The following ATPSCKMT variants were observed in gnomAD, a reference collection of about 807,000 sequenced individuals.
ATPSCKMT encodes the protein ATP synthase c subunit lysine N-methyltransferase.
ATPSCKMT carries 24 observed loss-of-function variants against 24.3 expected under a neutral mutation model. The observed-to-expected ratio is 0.99, with a 90% confidence interval of 0.71 to 1.39. The LOEUF is 1.39. ATPSCKMT is among the 40% of genes most tolerant of loss of function. The pLI is 0.00. For missense variants in ATPSCKMT, 311 were observed against 298.4 expected (o/e 1.04, Z -0.31); for synonymous variants, 95 against 110.5 (o/e 0.86, Z 0.88).
chr5:10,249,703 G>T, intron 1 of ATPSCKMT, 155 bp downstream of exon 1: 1 of 1,222,444 alleles, frequency 8.2e-7, no homozygotes, highest in Non-Finnish European at 1.1e-6. Context: ...CGGCGACCAG[G>T]AGCTCTGGTC....
At chr5:10,249,490 G>T in intron 1 of ATPSCKMT, 1 of 273,838 alleles carries the variant, frequency 3.7e-6, no homozygotes, top group Admixed American at 5.2e-5. Flanking sequence ...GGAACCCGAG[G>T]GACAAAGAAG....
At position 10,235,311 on chromosome 5, in the gene ATPSCKMT, G is replaced by T. The variant is rs576582887; in HGVS notation, c.445-50C>A. The T allele has an allele frequency of 2.6e-6, 4 of 1,515,516 alleles. No individual in the cohort carries two copies. In the East Asian group the frequency reaches 9.4e-5, roughly 35 times the overall value. The allele number at this position is 1,515,516 out of a possible 1,614,324, so 93.9% of individuals were successfully genotyped here. A position where few individuals can be genotyped will look rare whatever the true frequency, so the allele number is the denominator to read the frequency against. ...GTAGATTAAGTGCAAAAAGCCAAACGTGAAGCTTAACTTGTTTTACAGAAA... is the reference window on the plus strand; with the variant it reads ...GTAGATTAAGTGCAAAAAGCCAAACTTGAAGCTTAACTTGTTTTACAGAAA... On this transcript the variant is annotated intron_variant, in intron 3 of 4. Transcript: ENST00000511437.
Position 10,227,150 on chromosome 5 carries a change from C to T in ATPSCKMT, c.*291G>A. The T allele has an allele frequency of 2.5e-6, 1 of 403,836 alleles. No homozygotes were observed. The highest frequency in any genetic ancestry group is 4.6e-6 in the Non-Finnish European group (1 of 217,396). 25.0% of individuals were successfully genotyped at this position (403,836 alleles called of 1,614,324 possible). ...GCCATATTGTTTATAATGTGAAGAG[C>T]TATTGGCATCTTATTTTCCTACCCA... is the stretch of plus-strand genomic sequence containing the variant. On this transcript the variant is annotated 3_prime_UTR_variant, in exon 5 of 5. Coordinates refer to ENST00000511437, the MANE Select transcript of ATPSCKMT (RefSeq NM_199133.4).
intron 2 of ATPSCKMT, among the ~76,000 whole-genome samples, chr5:10,238,220 T>C (rs747582721): frequency 6.6e-5 from 10 of 152,184 alleles, no homozygotes; most frequent in Non-Finnish European, 1.0e-4. Flanking sequence ...CCCCGAACCG[T>C]ACACCTGCAC....
chr5:10,237,693 T>G lies in ATPSCKMT; in HGVS notation c.307-1078A>C, dbSNP rs191595890. Reference sequence around the variant, plus strand: ...CGTAAGTCTAATCACCTCTTTCTTTTGTAAACTGCCCAGTCTCAGGTATGT... The same window carrying G: ...CGTAAGTCTAATCACCTCTTTCTTTGGTAAACTGCCCAGTCTCAGGTATGT... On this transcript the variant is annotated intron_variant, in intron 2 of 4. Transcript: ENST00000511437. 7.2e-5 allele frequency among the ~76,000 whole-genome samples: 11 copies of G among 152,302 alleles called. No individual in the cohort carries two copies. In the East Asian group the frequency reaches 2.1e-3, roughly 29 times the overall value.
rs559270054 is a variant in ATPSCKMT, at chr5:10,239,071, C to T, written c.302G>A (p.Arg101His). Residue 101 changes from arginine to histidine, a missense_variant, in exon 2 of 5, where the codon CGC (arginine) becomes CAC (histidine). Physicochemically the swap from Arg to His is conservative, Grantham distance 29. Coordinates refer to ENST00000511437, the MANE Select transcript of ATPSCKMT (RefSeq NM_199133.4). ...AAATGTTTTAGCAGAACTCACAATG[C>T]GTCCGTCCCCACTACCGATGTCCAC... ...SLVDIGSGDGRIVIAAAKKGF... is the reference protein window; with the variant it reads ...SLVDIGSGDGHIVIAAAKKGF... The T allele has an allele frequency of 3.0e-5, 49 of 1,612,680 alleles. No individual in the cohort carries two copies. The Admixed American group carries it at 3.2e-4, about 10-fold the overall frequency.
intron 4 of ATPSCKMT, among the ~76,000 whole-genome samples, chr5:10,234,033 G>C (rs1744268134): frequency 6.6e-6 from 1 of 152,154 alleles, no homozygotes; most frequent in Non-Finnish European, 1.5e-5. Flanking sequence ...TCACTTTCAA[G>C]AACATTTTAC....
chr5:10,233,077 G>C (rs1380598714), intron 4 of ATPSCKMT, among the ~76,000 whole-genome samples: 1 of 152,178 alleles, frequency 6.6e-6, no homozygotes, highest in Non-Finnish European at 1.5e-5. Flanking sequence ...CATCAGTCTG[G>C]TATCAGAAGC....
At chr5:10,237,461 G>A (rs905323848) in intron 2 of ATPSCKMT, among the ~76,000 whole-genome samples, 3 of 152,186 alleles carry the variant, frequency 2.0e-5, no homozygotes, top group African/African-American at 4.8e-5. Context: ...GGGACCTGGC[G>A]GGAGGTAACT....
intron 4 of ATPSCKMT, among the ~76,000 whole-genome samples, chr5:10,227,911 A>T (rs1220745545): frequency 6.6e-6 from 1 of 152,236 alleles, no homozygotes; most frequent in Non-Finnish European, 1.5e-5. Context: ...TAGTTTTCTA[A>T]ATAAAATCAG....
rs1418035657 is a variant in ATPSCKMT at position 10,226,099 on chromosome 5, T to C, written c.*1342A>G. Among the ~76,000 whole-genome samples, 1 of 152,126 alleles carries C rather than the reference T, an allele frequency of 6.6e-6. No homozygotes were observed. The highest frequency in any genetic ancestry group is 1.5e-5 in the Non-Finnish European group (1 of 68,020). On this transcript the variant is annotated 3_prime_UTR_variant, in exon 5 of 5. Transcript: ENST00000511437. ...CCTCATCTCAGACTCACACAGGTGC[T>C]CTCTACACCATCACACTGTTTACTT... is the stretch of plus-strand genomic sequence containing the variant.
At chr5:10,239,425 T>C in intron 1 of ATPSCKMT, 69 bp from the exon 2 acceptor site, 2 of 1,376,070 alleles carry the variant, frequency 1.5e-6, no homozygotes, top group Non-Finnish European at 2.0e-6. Flanking sequence ...CATTTTTTTC[T>C]ACAATTCTCA....
intron 2 of ATPSCKMT, chr5:10,237,177 G>A (rs1484048655): frequency 4.0e-6 from 2 of 501,150 alleles, no homozygotes; most frequent in African/African-American, 2.0e-5. Context: ...GGCCTCCGGA[G>A]AGTGGGAGGG....
At chr5:10,237,047 A>G (rs11950685) in intron 2 of ATPSCKMT, 35,962 of 1,284,012 alleles carry the variant, frequency 0.028, 628 homozygotes, top group Non-Finnish European at 0.034. Flanking sequence ...TAACCTGTCA[A>G]TGAAAAATCT....
chr5:10,229,479 C>T (rs934918921), intron 4 of ATPSCKMT, among the ~76,000 whole-genome samples: 8 of 152,300 alleles, frequency 5.3e-5, no homozygotes, highest in Admixed American at 4.6e-4. Flanking sequence ...AGTAACCACA[C>T]AGTGAAGGTG....
chr5:10,237,777 C>A (rs1042304667), intron 2 of ATPSCKMT, among the ~76,000 whole-genome samples: 1 of 151,480 alleles, frequency 6.6e-6, no homozygotes, highest in East Asian at 1.9e-4. Context: ...GATGGAGTCT[C>A]GCTCTGTCAC....
intron 1 of ATPSCKMT, among the ~76,000 whole-genome samples, chr5:10,240,583 G>C (rs908319067): frequency 6.6e-6 from 1 of 152,140 alleles, no homozygotes; most frequent in Non-Finnish European, 1.5e-5. Context: ...GGGGGTCACA[G>C]GGATATTGTG....
At chr5:10,235,189 G>A in intron 4 of ATPSCKMT, 22 bp downstream of exon 4, 1 of 1,612,936 alleles carries the variant, frequency 6.2e-7, no homozygotes, top group Non-Finnish European at 8.5e-7. Context: ...CCCAAACAGA[G>A]AGCAGGAAAG....
chr5:10,241,397 T>C (rs1217868323), intron 1 of ATPSCKMT, among the ~76,000 whole-genome samples: 1 of 152,156 alleles, frequency 6.6e-6, no homozygotes, highest in Admixed American at 6.5e-5. Context: ...TCTATTCTAG[T>C]GCAGTACAAA....
Sources: gnomAD v4.1 joint callset for allele counts (sites outside exome capture counted in the v4.1 genomes callset) on GRCh38, gnomAD v4.1.1 for gene constraint, MANE v1.5 for transcripts, NCBI Gene and HGNC (gene_info 2026-07-23, HGNC 2026-07-21) for gene names.